The following HLTF variants were observed in gnomAD, a reference collection of about 807,000 sequenced individuals.
HLTF encodes DNA-dependent ATPase/E3 ubiquitin-protein ligase HLTF.
A neutral mutation model predicts 129.4 loss-of-function variants in HLTF; 127 were observed. The observed-to-expected ratio is 0.98, with a 90% confidence interval of 0.85 to 1.14. The LOEUF is 1.14. Among genes scored for constraint, HLTF ranks in the 50% most tolerant of loss-of-function variants. The pLI is 0.00. For synonymous variants in HLTF, 332 were observed against 388.8 expected, an observed-to-expected ratio of 0.85 and a Z score of 1.72; for missense variants, 1,139 against 1,187.1, an observed-to-expected ratio of 0.96 and a Z score of 0.60.
rs1559848301 is a variant in HLTF at position 149,030,786 on chromosome 3, G to A, written c.*1434C>T. 6.6e-6 allele frequency: 1 copy of A among 152,162 alleles called. No individual in the cohort carries two copies. Among genetic ancestry groups the A allele is most frequent in the Non-Finnish European group, 1.5e-5 (1 of 68,040 alleles). 9.4% of individuals were successfully genotyped at this position (152,162 alleles called of 1,614,324 possible). ...TGCTACTGCCTCAAAAAGGGACCAG[G>A]AAGATTCTAGCTGGCTAATTCACTG... On this transcript the variant is annotated 3_prime_UTR_variant, in exon 25 of 25. Transcript: ENST00000310053.
Position 149,064,820 on chromosome 3 carries a change from G to C in HLTF, c.1037C>G (p.Thr346Ser). 1 of 1,600,486 alleles carries C rather than the reference G, an allele frequency of 6.2e-7. No individual in the cohort carries two copies. Among genetic ancestry groups the C allele is most frequent in the Non-Finnish European group, 8.6e-7 (1 of 1,168,342 alleles). ...DDSMKLGGNN[T>S]SEKADGLSKD... is the part of the protein sequence containing the mutation. Reference sequence around the variant, plus strand: ...GCTTAGTCCATCTGCCTTTTCACTGGTATTGTTTCCTCCAAGTTTCATAGA... The same window carrying C: ...GCTTAGTCCATCTGCCTTTTCACTGCTATTGTTTCCTCCAAGTTTCATAGA... The change falls in exon 9 of 25, where the codon ACC (threonine) becomes AGC (serine). Residue 346 changes from threonine to serine, a missense_variant. Thr to Ser is a moderately conservative substitution (Grantham distance 58). Transcript: ENST00000310053.
At chr3:149,064,706 G>GA in intron 9 of HLTF, 85 bp downstream of exon 9, 2 of 900,500 alleles carry the variant, frequency 2.2e-6, no homozygotes, top group Non-Finnish European at 3.6e-6. Flanking sequence ...ATATTAGGCT[G>GA]AAAAAACGCA....
intron 14 of HLTF, among the ~76,000 whole-genome samples, chr3:149,054,112 G>C (rs1717225396): frequency 3.3e-5 from 5 of 152,044 alleles, no homozygotes; most frequent in Admixed American, 3.3e-4. Flanking sequence ...AAGCCAAGAA[G>C]AGGCCACTAA....
chr3:149,074,586 T>G (rs1719178254), intron 3 of HLTF, among the ~76,000 whole-genome samples: 1 of 152,094 alleles, frequency 6.6e-6, no homozygotes, highest in Non-Finnish European at 1.5e-5. Flanking sequence ...ATAAAGCAGT[T>G]TTAAAAATGC....
intron 7 of HLTF, among the ~76,000 whole-genome samples, chr3:149,068,769 TC>T (rs779636177): frequency 2.0e-5 from 3 of 152,168 alleles, no homozygotes; most frequent in Non-Finnish European, 2.9e-5. Context: ...TCATAACTTC[TC>T]CATAAAGCAT....
chr3:149,053,548 G>GT (rs1221072711), intron 14 of HLTF, among the ~76,000 whole-genome samples: 1 of 152,164 alleles, frequency 6.6e-6, no homozygotes, highest in East Asian at 1.9e-4. Flanking sequence ...AAAGCCTGCA[G>GT]TATCATGAGC....
At position 149,043,013 on chromosome 3, in the gene HLTF, A is replaced by C. The variant is rs112854938; in HGVS notation, c.2073-723T>G. Among the ~76,000 whole-genome samples, 49 of 152,220 alleles carry C rather than the reference A, an allele frequency of 3.2e-4. 1 individual carries two copies. Among genetic ancestry groups the C allele is most frequent in the African/African-American group, 1.0e-3 (42 of 41,550 alleles). On this transcript the variant is annotated intron_variant, in intron 18 of 24. Coordinates refer to ENST00000310053, the MANE Select transcript of HLTF (RefSeq NM_003071.4). Reference sequence around the variant, plus strand: ...ACATGGCAGTGAAAGAAAACTCAGCAGAAAAATGTTGCCACAGAGCAAATA... The same window carrying C: ...ACATGGCAGTGAAAGAAAACTCAGCCGAAAAATGTTGCCACAGAGCAAATA...
At position 149,050,393 on chromosome 3, in the gene HLTF, AT is replaced by A. The variant is rs746444461; in HGVS notation, c.1474-19del. On this transcript the variant is annotated intron_variant, in intron 14 of 24. Transcript: ENST00000310053. ...AACTGGTCCTAAAGAAAAATTAGGA[AT>A]ATTTTTAACAATGAGCAGATTTGTG... is the stretch of plus-strand genomic sequence containing the variant. 3.7e-5 allele frequency: 56 copies of A among 1,528,080 alleles called. No homozygotes were observed. Among genetic ancestry groups the A allele is most frequent in the Admixed American group, 9.6e-5 (5 of 52,058 alleles). The allele number at this position is 1,528,080 out of a possible 1,614,324, so 94.7% of individuals were successfully genotyped here. A position where few individuals can be genotyped will look rare whatever the true frequency, so the allele number is the denominator to read the frequency against.
At chr3:149,049,730 C>T (rs1307938235) in intron 15 of HLTF, among the ~76,000 whole-genome samples, 2 of 152,180 alleles carry the variant, frequency 1.3e-5, no homozygotes, top group Non-Finnish European at 2.9e-5. Flanking sequence ...TGGTGGCACA[C>T]GCCTGTAATC....
intron 10 of HLTF, among the ~76,000 whole-genome samples, chr3:149,061,413 A>AAAAAT (rs139954914): frequency 0.064 from 9,594 of 150,390 alleles, 892 homozygotes; most frequent in African/African-American, 0.21. Context: ...TCCATCTCAA[A>AAAAAT]AAAATAAAAT....
chr3:149,058,477 T>G (rs1401832408), intron 13 of HLTF, among the ~76,000 whole-genome samples: 1 of 152,242 alleles, frequency 6.6e-6, no homozygotes, highest in Non-Finnish European at 1.5e-5. Context: ...TTGACTATTC[T>G]CCTATTGGGT....
In HLTF at chr3:149,048,180, A is replaced by G; in HGVS notation, c.1757-17T>C. 2 of 1,586,210 alleles carry G rather than the reference A, an allele frequency of 1.3e-6. No homozygotes were observed. The highest frequency in any genetic ancestry group is 1.7e-6 in the Non-Finnish European group (2 of 1,166,612). On this transcript the variant is annotated splice_polypyrimidine_tract_variant and intron_variant, in intron 16 of 24. Transcript: ENST00000310053. ...TTGGAGTACCTAGAAATAACAGGAAACTGTTATAACTCTTTAACCAGAGTA... is the reference window on the plus strand; with the variant it reads ...TTGGAGTACCTAGAAATAACAGGAAGCTGTTATAACTCTTTAACCAGAGTA...
chr3:149,067,453 C>T (rs113179265), intron 8 of HLTF, among the ~76,000 whole-genome samples: 11 of 152,156 alleles, frequency 7.2e-5, no homozygotes, highest in Admixed American at 2.6e-4. Context: ...ATGGCTATAT[C>T]GTTTAACTGT....
chr3:149,069,935 G>GT lies in HLTF; in HGVS notation c.894+1316dup, dbSNP rs1413860805. On this transcript the variant is annotated intron_variant, in intron 7 of 24. Transcript: ENST00000310053. ...TCAGTGGTAATATTAATGAATGTAA[G>GT]TTTTGGATATTGCATATGAAATACA... Among the ~76,000 whole-genome samples, 4 of 152,212 alleles carry GT rather than the reference G, an allele frequency of 2.6e-5. No homozygotes were observed. In the East Asian group the frequency reaches 7.7e-4, roughly 29 times the overall value.
At chr3:149,080,599 A>T (rs1212632136) in intron 2 of HLTF, among the ~76,000 whole-genome samples, 1 of 152,148 alleles carries the variant, frequency 6.6e-6, no homozygotes, top group Admixed American at 6.5e-5. Flanking sequence ...ATACATAACC[A>T]AAATAAAAAA....
In HLTF at chr3:149,034,986, C is replaced by G; in HGVS notation, c.2809G>C (p.Ala937Pro). 1 of 1,613,208 alleles carries G rather than the reference C, an allele frequency of 6.2e-7. No homozygotes were observed. Among genetic ancestry groups the G allele is most frequent in the Non-Finnish European group, 8.5e-7 (1 of 1,179,142 alleles). Residue 937 changes from alanine to proline, a missense_variant, in exon 24 of 25, where the codon GCT (alanine) becomes CCT (proline). Ala to Pro is a conservative substitution (Grantham distance 27). Coordinates refer to ENST00000310053, the MANE Select transcript of HLTF (RefSeq NM_003071.4). ...VFLMDPAWNP[A>P]AEDQCFDRCH... ...CTGTCAAAGCACTGATCTTCAGCAG[C>G]AGGATTCCAGGCCTAACAAGAACAT...
intron 10 of HLTF, among the ~76,000 whole-genome samples, chr3:149,061,924 G>A (rs765910238): frequency 9.2e-5 from 14 of 151,464 alleles, no homozygotes; most frequent in Non-Finnish European, 1.8e-4. Flanking sequence ...GCAGCCAAAA[G>A]GCAAAAATGT....
intron 10 of HLTF, among the ~76,000 whole-genome samples, chr3:149,062,061 TTA>T (rs1281091306): frequency 6.6e-6 from 1 of 152,212 alleles, no homozygotes; most frequent in Non-Finnish European, 1.5e-5. Context: ...CAGTAATTTG[TTA>T]TGTGATTTTA....
chr3:149,050,598 C>T (rs1215533608), intron 14 of HLTF, among the ~76,000 whole-genome samples: 1 of 152,108 alleles, frequency 6.6e-6, no homozygotes, highest in African/African-American at 2.4e-5. Flanking sequence ...TACCAATCAG[C>T]AACTGCTTCA....
Sources: allele counts gnomAD v4.1 joint callset (sites outside exome capture counted in the v4.1 genomes callset), GRCh38; gene constraint gnomAD v4.1.1; transcripts MANE v1.5; gene names NCBI Gene and HGNC (gene_info 2026-07-23, HGNC 2026-07-21).